ADAMTS19: variants seen among roughly 807,000 people sequenced by gnomAD.
ADAMTS19 encodes the protein A disintegrin and metalloproteinase with thrombospondin motifs 19.
A neutral mutation model predicts 153.3 loss-of-function variants in ADAMTS19; 93 were observed. The ratio of observed to expected loss-of-function variants is 0.61; its 90% CI spans 0.51 to 0.72. The LOEUF (loss-of-function observed/expected upper bound fraction) is 0.72. Ranked by LOEUF, ADAMTS19 falls within the 30% of genes least tolerant of loss-of-function variation. ADAMTS19 has a pLI of 0.00. For synonymous variants in ADAMTS19, 600 were observed against 556.6 expected (o/e 1.08, Z -1.10); for missense variants, 1,482 against 1,552.1 (o/e 0.95, Z 0.76).
chr5:129,685,951 G>A (rs1025955736), intron 18 of ADAMTS19, among the ~76,000 whole-genome samples: 2 of 152,180 alleles, frequency 1.3e-5, no homozygotes, highest in African/African-American at 4.8e-5. Context: ...AGTTACAGTT[G>A]AAACTATTTT....
intron 7 of ADAMTS19, among the ~76,000 whole-genome samples, chr5:129,555,300 G>C (rs1223674083): frequency 6.6e-6 from 1 of 152,022 alleles, no homozygotes; most frequent in African/African-American, 2.4e-5. Context: ...TAAATGGAGA[G>C]GAATGCTTGT....
chr5:129,568,805 G>A (rs540223898), intron 7 of ADAMTS19, among the ~76,000 whole-genome samples: 1 of 152,002 alleles, frequency 6.6e-6, no homozygotes, highest in Non-Finnish European at 1.5e-5. Context: ...CTGGGTGACA[G>A]AGCAAGACCT....
At position 129,701,372 on chromosome 5, in the gene ADAMTS19, C is replaced by T. The variant is rs141621546; in HGVS notation, c.2955-16C>T. The T allele has an allele frequency of 3.4e-5, 55 of 1,613,882 alleles. No homozygotes were observed. Among genetic ancestry groups the T allele is most frequent in the Non-Finnish European group, 4.5e-5 (53 of 1,179,942 alleles). On this transcript the variant is annotated splice_polypyrimidine_tract_variant and intron_variant, in intron 19 of 22. Coordinates refer to ENST00000274487, the MANE Select transcript of ADAMTS19 (RefSeq NM_133638.6). The stretch of plus-strand genomic sequence containing the variant: ...ATCTTTTAACTTGTTTCCAGTGACT[C>T]TTGCTTTACTTTCAGGTGGATGATG...
intron 7 of ADAMTS19, among the ~76,000 whole-genome samples, chr5:129,571,288 T>G (rs1581097921): frequency 6.6e-6 from 1 of 151,870 alleles, no homozygotes; most frequent in East Asian, 1.9e-4. Context: ...GAAACCAAAT[T>G]TTTAAATATG....
chr5:129,568,220 T>C (rs1753779820), intron 7 of ADAMTS19, among the ~76,000 whole-genome samples: 2 of 152,064 alleles, frequency 1.3e-5, no homozygotes, highest in Admixed American at 6.6e-5. Context: ...AAATGACAAA[T>C]ATCTGGATAA....
chr5:129,688,890 T>G (rs1755207005), intron 18 of ADAMTS19, among the ~76,000 whole-genome samples: 2 of 152,230 alleles, frequency 1.3e-5, no homozygotes, highest in Admixed American at 1.3e-4. Context: ...GGTTTAAATT[T>G]ATTTTGGCAT....
chr5:129,570,754 G>C (rs536313623), intron 7 of ADAMTS19, among the ~76,000 whole-genome samples: 7 of 152,008 alleles, frequency 4.6e-5, no homozygotes, highest in Non-Finnish European at 8.8e-5. Flanking sequence ...GGAAATAAAG[G>C]CTGGTTCAAT....
At chr5:129,478,065 A>T (rs540509652) in intron 2 of ADAMTS19, among the ~76,000 whole-genome samples, 1 of 152,348 alleles carries the variant, frequency 6.6e-6, no homozygotes, top group African/African-American at 2.4e-5. Context: ...AACCATGATG[A>T]TAACATAGGT....
At chr5:129,549,545 A>T (rs1308659460) in intron 6 of ADAMTS19, among the ~76,000 whole-genome samples, 3 of 151,720 alleles carry the variant, frequency 2.0e-5, no homozygotes, top group Non-Finnish European at 4.4e-5. Flanking sequence ...TAAACAATAA[A>T]CTTTGAGATA....
intron 7 of ADAMTS19, among the ~76,000 whole-genome samples, chr5:129,585,514 C>G (rs1218895314): frequency 1.3e-5 from 2 of 152,014 alleles, no homozygotes; most frequent in Non-Finnish European, 2.9e-5. Context: ...CTTTTGAACA[C>G]TTGTACTATA....
intron 7 of ADAMTS19, among the ~76,000 whole-genome samples, chr5:129,593,796 T>G (rs1237315585): frequency 2.6e-5 from 4 of 152,202 alleles, no homozygotes; most frequent in Non-Finnish European, 4.4e-5. Context: ...TCCAAACTCA[T>G]GCACTCCATC....
chr5:129,708,590 CAAA>C (rs1174701520), intron 21 of ADAMTS19, among the ~76,000 whole-genome samples: 1,203 of 61,782 alleles, frequency 0.019, 4 homozygotes, highest in African/African-American at 0.07. Context: ...AGCAGAGAAG[CAAA>C]AAAAAAAAAA....
At chr5:129,701,093 T>C (rs1205579601) in intron 19 of ADAMTS19, among the ~76,000 whole-genome samples, 1 of 151,584 alleles carries the variant, frequency 6.6e-6, no homozygotes, top group East Asian at 1.9e-4. Context: ...TTTCCCGTGC[T>C]GTTCTCATGA....
chr5:129,523,208 C>G (rs1751888074), intron 3 of ADAMTS19, among the ~76,000 whole-genome samples: 1 of 151,998 alleles, frequency 6.6e-6, no homozygotes, highest in Non-Finnish European at 1.5e-5. Context: ...AACCCAGGTA[C>G]CTGGTATAAG....
intron 11 of ADAMTS19, among the ~76,000 whole-genome samples, chr5:129,646,727 T>C (rs1447927973): frequency 1.3e-5 from 2 of 152,210 alleles, no homozygotes; most frequent in Admixed American, 6.5e-5. Flanking sequence ...ATTTCTGTAA[T>C]TTCCTCAAAA....
chr5:129,653,265 T>C (rs1474028105), intron 13 of ADAMTS19, among the ~76,000 whole-genome samples: 1 of 152,090 alleles, frequency 6.6e-6, no homozygotes, highest in Non-Finnish European at 1.5e-5. Context: ...TAATAAACAG[T>C]AAAGGACCTG....
chr5:129,521,615 C>T (rs1253611832), intron 3 of ADAMTS19, among the ~76,000 whole-genome samples: 3 of 152,130 alleles, frequency 2.0e-5, no homozygotes, highest in African/African-American at 7.2e-5. Flanking sequence ...TGTTATCTTC[C>T]AATGTCCACC....
Position 129,461,209 on chromosome 5 carries a change from G to C in ADAMTS19, c.199G>C (p.Gly67Arg). 1 of 1,290,542 alleles carries C rather than the reference G, an allele frequency of 7.7e-7. No individual in the cohort carries two copies. The highest frequency in any genetic ancestry group is 9.8e-7 in the Non-Finnish European group (1 of 1,025,252). 79.9% of individuals were successfully genotyped at this position (1,290,542 alleles called of 1,614,324 possible). Residue 67 changes from glycine (G) to arginine (R), a missense_variant, in exon 2 of 23, where the codon GGC becomes CGC. Physicochemically the swap from Gly to Arg is moderately radical, Grantham distance 125. Around this residue, in one of 2 missense-constraint regions of ADAMTS19, gnomAD observed 866 missense variants for 827.7 expected, o/e 1.05. Coordinates refer to ENST00000274487, the MANE Select transcript of ADAMTS19 (RefSeq NM_133638.6). The surrounding 1 kb of genome is among the most constrained non-coding windows in gnomAD (Gnocchi z 4.6). ...CGGCAGCGGGGGCAGCGCGGACCCG[G>C]GCTGGGTGCGCGGCGTTGGGGGCGG... ...AGGSGGSADP[G>R]WVRGVGGGGS... is the part of the protein sequence containing the mutation.
intron 10 of ADAMTS19, among the ~76,000 whole-genome samples, chr5:129,635,483 T>A (rs990546814): frequency 6.6e-6 from 1 of 152,122 alleles, no homozygotes; most frequent in Non-Finnish European, 1.5e-5. Context: ...CTATTCACAA[T>A]AGCAAAGACA....
Sources: gnomAD v4.1 joint callset for allele counts (sites outside exome capture counted in the v4.1 genomes callset) on GRCh38, gnomAD v4.1.1 for gene constraint, gnomAD v4.1.1 regional missense constraint, Gnocchi (gnomAD v3.1) non-coding constraint, MANE v1.5 for transcripts, NCBI Gene and HGNC (gene_info 2026-07-23, HGNC 2026-07-21) for gene names.